SUPT3H: variants seen among roughly 807,000 people sequenced by gnomAD.
The protein encoded by SUPT3H is transcription initiation protein SPT3 homolog.
SUPT3H carries 44 observed loss-of-function variants against 44.3 expected under a neutral mutation model. That is an observed-to-expected ratio of 0.99 (90% confidence interval 0.78 to 1.28). SUPT3H has a LOEUF of 1.28. SUPT3H is among the 50% of genes most tolerant of loss of function. The pLI, the probability that SUPT3H is intolerant of heterozygous loss-of-function variation, is 0.00. For missense variants in SUPT3H, 380 were observed against 387.1 expected (o/e 0.98, Z 0.15); for synonymous variants, 124 against 125.6 (o/e 0.99, Z 0.09).
rs929958117 is a variant in SUPT3H at position 45,067,721 on chromosome 6, A to G, written c.186+38201T>C. 1.6e-3 allele frequency among the ~76,000 whole-genome samples: 240 copies of G among 148,118 alleles called. 1 individual carries two copies. The highest frequency in any genetic ancestry group is 2.9e-3 in the Admixed American group (43 of 14,976). ...AGAAACACATGAAAAAATGCTCATCATCACTGGCCATCAGAGAAATGCAAA... is the reference window on the plus strand; with the variant it reads ...AGAAACACATGAAAAAATGCTCATCGTCACTGGCCATCAGAGAAATGCAAA... On this transcript the variant is annotated intron_variant, in intron 3 of 10. Coordinates refer to ENST00000371459, the MANE Select transcript of SUPT3H (RefSeq NM_003599.4).
chr6:44,880,723 A>G (rs1165911288), intron 10 of SUPT3H, among the ~76,000 whole-genome samples: 2 of 152,216 alleles, frequency 1.3e-5, no homozygotes, highest in African/African-American at 4.8e-5. Context: ...GACTAACAGC[A>G]GATCTCTCTG....
chr6:44,940,786 C>T (rs1309695971), intron 9 of SUPT3H, among the ~76,000 whole-genome samples: 1 of 152,136 alleles, frequency 6.6e-6, no homozygotes. Flanking sequence ...TAGCCTCTTG[C>T]TGAACTGATT....
rs1481763335 is a variant in SUPT3H at position 44,827,167 on chromosome 6, G to C, written c.*2649C>G. 6.6e-6 allele frequency among the ~76,000 whole-genome samples: 1 copy of C among 152,012 alleles called. No individual in the cohort carries two copies. Among genetic ancestry groups the C allele is most frequent in the African/African-American group, 2.4e-5 (1 of 41,404 alleles). ...TACAAGGGACAAAAAATAGAAACTA[G>C]CTTTGTATATTTCCATTTGACTTAG... On this transcript the variant is annotated 3_prime_UTR_variant, in exon 11 of 11. Transcript: ENST00000371459.
intron 3 of SUPT3H, among the ~76,000 whole-genome samples, chr6:45,040,274 T>TATTTCACTATCA: frequency 6.6e-6 from 1 of 152,318 alleles, no homozygotes; most frequent in Non-Finnish European, 1.5e-5. Context: ...GGCTGTAGTT[T>TATTTCACTATCA]GCTGACCCCT....
intron 2 of SUPT3H, chr6:45,328,145 A>C: frequency 1.7e-6 from 1 of 591,628 alleles, no homozygotes; most frequent in South Asian, 2.2e-5. Flanking sequence ...CCTTACCACA[A>C]GCCTTTTGTG....
intron 2 of SUPT3H, among the ~76,000 whole-genome samples, chr6:45,171,713 C>CTTTTT (rs777154020): frequency 0.011 from 1,008 of 93,426 alleles, 21 homozygotes; most frequent in Non-Finnish European, 0.012. Context: ...ATTCCACTTG[C>CTTTTT]TTTTTTTTTT....
At chr6:45,194,372 C>A (rs1219371103) in intron 2 of SUPT3H, among the ~76,000 whole-genome samples, 1 of 151,906 alleles carries the variant, frequency 6.6e-6, no homozygotes, top group East Asian at 1.9e-4. Context: ...AGAAGAAAAA[C>A]CACCTCTATT....
intron 2 of SUPT3H, among the ~76,000 whole-genome samples, chr6:45,170,938 G>A (rs1323359945): frequency 6.6e-6 from 1 of 152,084 alleles, no homozygotes; most frequent in Non-Finnish European, 1.5e-5. Flanking sequence ...ACTTCCTTGA[G>A]GAATATAGAA....
At chr6:45,173,660 C>A (rs141215781) in intron 2 of SUPT3H, among the ~76,000 whole-genome samples, 296 of 152,336 alleles carry the variant, frequency 1.9e-3, no homozygotes, top group African/African-American at 6.6e-3. Flanking sequence ...GTAAACCATA[C>A]TCTGTCAACT....
At chr6:44,884,046 G>A (rs1271771673) in intron 10 of SUPT3H, among the ~76,000 whole-genome samples, 1 of 152,116 alleles carries the variant, frequency 6.6e-6, no homozygotes, top group African/African-American at 2.4e-5. Context: ...TCTGCACAGT[G>A]AAAGAAACTC....
At chr6:45,168,932 T>A (rs1810352584) in intron 2 of SUPT3H, among the ~76,000 whole-genome samples, 2 of 152,188 alleles carry the variant, frequency 1.3e-5, no homozygotes, top group African/African-American at 4.8e-5. Flanking sequence ...ACTGATCAGA[T>A]TCTGCTGATC....
At chr6:44,965,730 G>C (rs1562153856) in intron 6 of SUPT3H, among the ~76,000 whole-genome samples, 1 of 152,058 alleles carries the variant, frequency 6.6e-6, no homozygotes, top group Non-Finnish European at 1.5e-5. Context: ...TTGGCCATAT[G>C]ATCCAAATAA....
Position 45,238,086 on chromosome 6 carries a change from C to A in SUPT3H, c.101+127115G>T, listed in dbSNP as rs544734803. Among the ~76,000 whole-genome samples the A allele has an allele frequency of 1.4e-4, 22 of 152,240 alleles. No homozygotes were observed. The South Asian group carries it at 4.6e-3, about 32-fold the overall frequency. On this transcript the variant is annotated intron_variant, in intron 2 of 10. Transcript: ENST00000371459. ...GTTGTGACAAGGCATGTTAAACAGTCCAACAATTTGCCAGACTTATGTAGG... is the reference window on the plus strand; with the variant it reads ...GTTGTGACAAGGCATGTTAAACAGTACAACAATTTGCCAGACTTATGTAGG...
intron 10 of SUPT3H, among the ~76,000 whole-genome samples, chr6:44,889,222 C>T (rs1762859614): frequency 6.6e-6 from 1 of 152,152 alleles, no homozygotes; most frequent in Non-Finnish European, 1.5e-5. Flanking sequence ...ATGCCATCCC[C>T]ATCAAGCTAC....
At chr6:45,110,571 A>T (rs4994730) in intron 2 of SUPT3H, among the ~76,000 whole-genome samples, 129,112 of 149,800 alleles carry the variant, frequency 0.86, 55,417 homozygotes, top group East Asian at 0.98. Flanking sequence ...GCTTTTTTTA[A>T]AAAAAAAAAA....
chr6:44,894,433 C>T (rs866021670), intron 10 of SUPT3H, among the ~76,000 whole-genome samples: 1 of 152,188 alleles, frequency 6.6e-6, no homozygotes, highest in Non-Finnish European at 1.5e-5. Flanking sequence ...TTTCAGCTTT[C>T]TATATACGGC....
At chr6:44,904,449 A>T (rs1396057663) in intron 10 of SUPT3H, among the ~76,000 whole-genome samples, 1 of 152,198 alleles carries the variant, frequency 6.6e-6, no homozygotes, top group Non-Finnish European at 1.5e-5. Flanking sequence ...ATACCTAGGA[A>T]TCCAACTTAC....
intron 2 of SUPT3H, among the ~76,000 whole-genome samples, chr6:45,300,437 C>T (rs4711813): frequency 0.15 from 22,856 of 152,128 alleles, 1,960 homozygotes; most frequent in East Asian, 0.26. Context: ...CATTGGTGAG[C>T]ATGTGGAGAA....
intron 3 of SUPT3H, chr6:45,099,215 C>A: frequency 4.4e-6 from 1 of 225,566 alleles, no homozygotes; most frequent in South Asian, 6.3e-5. Context: ...CTATCTTTCT[C>A]ATGACCCTCA....
Sources: gnomAD v4.1 joint callset for allele counts (sites outside exome capture counted in the v4.1 genomes callset) on GRCh38, gnomAD v4.1.1 for gene constraint, MANE v1.5 for transcripts, NCBI Gene and HGNC (gene_info 2026-07-23, HGNC 2026-07-21) for gene names.